MGAT4C: variants seen among roughly 807,000 people sequenced by gnomAD.
The protein encoded by MGAT4C is MGAT4 family member C.
A neutral mutation model predicts 40.1 loss-of-function variants in MGAT4C; 19 were observed. The observed-to-expected ratio is 0.47, with a 90% CI of 0.33 to 0.70. The LOEUF is 0.70. Among genes scored for constraint, MGAT4C ranks in the 30% least tolerant of loss-of-function variants. The pLI is 0.02. For synonymous variants in MGAT4C, 181 were observed against 187.1 expected (o/e 0.97, Z 0.27); for missense variants, 491 against 563.2 (o/e 0.87, Z 1.30).
At chr12:86,523,584 C>T (rs903320388) in intron 2 of MGAT4C, among the ~76,000 whole-genome samples, 1 of 152,048 alleles carries the variant, frequency 6.6e-6, no homozygotes, top group East Asian at 1.9e-4. Flanking sequence ...GGGGAGAGTT[C>T]CACATATTTC....
At chr12:86,647,763 TATG>T (rs1565903012) in intron 2 of MGAT4C, among the ~76,000 whole-genome samples, 2 of 151,924 alleles carry the variant, frequency 1.3e-5, no homozygotes, top group Admixed American at 6.6e-5. Flanking sequence ...GTATTCACTA[TATG>T]ATAAGTTAGT....
chr12:86,512,070 A>G (rs1472017211), intron 2 of MGAT4C, among the ~76,000 whole-genome samples: 1 of 152,128 alleles, frequency 6.6e-6, no homozygotes, highest in Non-Finnish European at 1.5e-5. Context: ...GAAAAAAAGG[A>G]CAAAACAAAA....
intron 3 of MGAT4C, among the ~76,000 whole-genome samples, chr12:85,987,113 AT>A (rs1885300232): frequency 6.9e-6 from 1 of 144,592 alleles, no homozygotes; most frequent in Non-Finnish European, 1.5e-5. Flanking sequence ...TTTTAAAATA[AT>A]AATTTTTTTT....
intron 3 of MGAT4C, among the ~76,000 whole-genome samples, chr12:86,404,944 C>T (rs575430264): frequency 6.6e-6 from 1 of 152,030 alleles, no homozygotes; most frequent in South Asian, 2.1e-4. Flanking sequence ...GATTTGACTT[C>T]CTTGGATCTT....
chr12:86,707,324 A>T (rs549592766), intron 2 of MGAT4C, among the ~76,000 whole-genome samples: 127 of 152,264 alleles, frequency 8.3e-4, no homozygotes, highest in African/African-American at 2.9e-3. Flanking sequence ...TTTGCCCAAA[A>T]TGCTGATAGC....
chr12:86,382,661 G>A (rs367990205), intron 3 of MGAT4C, among the ~76,000 whole-genome samples: 3 of 152,164 alleles, frequency 2.0e-5, no homozygotes, highest in African/African-American at 7.2e-5. Flanking sequence ...TTCATGGGCC[G>A]GGCCCAGGGT....
intron 2 of MGAT4C, chr12:86,001,403 T>C (rs1887279271): frequency 6.5e-6 from 1 of 153,968 alleles, no homozygotes; most frequent in African/African-American, 2.4e-5. Flanking sequence ...GTTATAATTT[T>C]TTCTTTAACA....
At chr12:86,216,878 T>C (rs757342970) in intron 1 of MGAT4C, among the ~76,000 whole-genome samples, 99 of 152,302 alleles carry the variant, frequency 6.5e-4, no homozygotes, top group South Asian at 1.7e-3. Context: ...GTTATCTTTG[T>C]ATTACAAATT....
In MGAT4C at chr12:86,537,243, G is replaced by C. The variant is rs571560167; in HGVS notation, c.-228-101978C>G. On this transcript the variant is annotated intron_variant, in intron 2 of 7. Coordinates refer to the MGAT4C transcript ENST00000548651. ...TTGTGGGGTGTGGGGAGAGGGGAGGGATAGCATTAGGAGATACACCTAACA... is the reference window on the plus strand; with the variant it reads ...TTGTGGGGTGTGGGGAGAGGGGAGGCATAGCATTAGGAGATACACCTAACA... Among the ~76,000 whole-genome samples, 498 of 151,796 alleles carry C rather than the reference G, an allele frequency of 3.3e-3. 1 individual carries two copies. Among genetic ancestry groups the C allele is most frequent in the African/African-American group, 0.012 (481 of 41,356 alleles).
chr12:86,601,018 A>G (rs991223689), intron 2 of MGAT4C, among the ~76,000 whole-genome samples: 2 of 152,208 alleles, frequency 1.3e-5, no homozygotes, highest in Non-Finnish European at 2.9e-5. Context: ...TAGTGCTGAC[A>G]CGCCAGCTCC....
intron 1 of MGAT4C, among the ~76,000 whole-genome samples, chr12:86,796,095 G>T (rs550684398): frequency 2.1e-4 from 31 of 150,480 alleles, no homozygotes; most frequent in South Asian, 1.3e-3. Context: ...ATAGAGAAAA[G>T]TTTCTAGCAC....
chr12:86,768,121 T>C (rs929223302), intron 1 of MGAT4C, among the ~76,000 whole-genome samples: 19 of 152,226 alleles, frequency 1.2e-4, no homozygotes, highest in East Asian at 5.8e-4. Context: ...GAAAACCCCA[T>C]TGTCTCAGCC....
At chr12:86,360,301 A>C (rs1955433364) in intron 3 of MGAT4C, among the ~76,000 whole-genome samples, 1 of 152,126 alleles carries the variant, frequency 6.6e-6, no homozygotes, top group African/African-American at 2.4e-5. Context: ...CATGCTAAAA[A>C]CTCTCAATAA....
chr12:86,380,280 G>A (rs1428600918), intron 3 of MGAT4C, among the ~76,000 whole-genome samples: 2 of 151,912 alleles, frequency 1.3e-5, no homozygotes, highest in Non-Finnish European at 2.9e-5. Context: ...TTAAAAAATT[G>A]AAAAAAATTC....
chr12:86,259,902 G>C (rs75260926), upstream of MGAT4C, among the ~76,000 whole-genome samples: 8 of 138,746 alleles, frequency 5.8e-5, no homozygotes, highest in Non-Finnish European at 6.2e-5. Context: ...GTCTTATTTT[G>C]TTTTTTCCTT....
chr12:86,734,648 A>G (rs1347566483), intron 1 of MGAT4C, among the ~76,000 whole-genome samples: 2 of 151,944 alleles, frequency 1.3e-5, no homozygotes, highest in Non-Finnish European at 2.9e-5. Context: ...ACATGAGGAT[A>G]CAAAAGAAGA....
intron 2 of MGAT4C, among the ~76,000 whole-genome samples, chr12:86,620,864 C>T (rs1962613551): frequency 6.6e-6 from 1 of 152,148 alleles, no homozygotes; most frequent in Non-Finnish European, 1.5e-5. Flanking sequence ...CTTTCTCTCT[C>T]TCTTCCTCCT....
At chr12:85,987,979 A>C (rs1885443221) in intron 3 of MGAT4C, among the ~76,000 whole-genome samples, 1 of 152,232 alleles carries the variant, frequency 6.6e-6, no homozygotes, top group Non-Finnish European at 1.5e-5. Context: ...ATCTTTCATT[A>C]TCTTAAGAAA....
chr12:86,032,242 G>A (rs1890826192), intron 2 of MGAT4C, among the ~76,000 whole-genome samples: 1 of 151,866 alleles, frequency 6.6e-6, no homozygotes, highest in South Asian at 2.1e-4. Context: ...TGTCTTTATG[G>A]TAGAATGATT....
Sources: gnomAD v4.1 joint callset for allele counts (sites outside exome capture counted in the v4.1 genomes callset) on GRCh38, gnomAD v4.1.1 for gene constraint, MANE v1.5 for transcripts, NCBI Gene and HGNC (gene_info 2026-07-23, HGNC 2026-07-21) for gene names.